CCSER1: variants seen among roughly 807,000 people sequenced by gnomAD.
CCSER1 encodes serine-rich coiled-coil domain-containing protein 1.
In CCSER1, 41 loss-of-function variants were observed where a neutral mutation model predicts 82.0. That is an observed-to-expected ratio of 0.50 (90% CI 0.39 to 0.65). CCSER1 has a LOEUF of 0.65. Ranked by LOEUF, CCSER1 falls within the 30% of genes least tolerant of loss-of-function variation. The pLI is 0.00. For missense variants in CCSER1, 1,119 were observed against 1,064.2 expected (o/e 1.05, Z -0.72); for synonymous variants, 414 against 383.9 (o/e 1.08, Z -0.92).
At chr4:91,358,043 G>A (rs1249287085) in intron 10 of CCSER1, among the ~76,000 whole-genome samples, 2 of 151,752 alleles carry the variant, frequency 1.3e-5, no homozygotes, top group African/African-American at 4.8e-5. Flanking sequence ...TTGTAAGTTT[G>A]GGATTTCAAT....
intron 9 of CCSER1, among the ~76,000 whole-genome samples, chr4:91,003,846 G>C (rs1174550123): frequency 6.6e-6 from 1 of 152,178 alleles, no homozygotes; most frequent in African/African-American, 2.4e-5. Context: ...GCCTCTGAGA[G>C]GCAGGGAAGA....
chr4:90,808,107 T>C (rs1319845045), intron 7 of CCSER1, among the ~76,000 whole-genome samples: 1 of 152,124 alleles, frequency 6.6e-6, no homozygotes, highest in Non-Finnish European at 1.5e-5. Flanking sequence ...AGCCAGCTGA[T>C]CTTTGACAAA....
At chr4:90,616,423 G>T (rs1375472723) in intron 5 of CCSER1, among the ~76,000 whole-genome samples, 2 of 152,052 alleles carry the variant, frequency 1.3e-5, no homozygotes, top group African/African-American at 4.8e-5. Context: ...GCTCACACCT[G>T]TAATCCTAGC....
At chr4:90,157,769 A>G (rs958994532) in intron 1 of CCSER1, among the ~76,000 whole-genome samples, 4 of 152,078 alleles carry the variant, frequency 2.6e-5, no homozygotes, top group African/African-American at 9.7e-5. Flanking sequence ...CTAGTTATAC[A>G]TTCATCTAAA....
chr4:90,200,203 G>T (rs1737422437), intron 1 of CCSER1, among the ~76,000 whole-genome samples: 1 of 151,908 alleles, frequency 6.6e-6, no homozygotes, highest in South Asian at 2.1e-4. Context: ...CCTTCCCAGA[G>T]TACATGTCTC....
At chr4:90,499,881 A>C (rs931045421) in intron 5 of CCSER1, among the ~76,000 whole-genome samples, 3 of 152,222 alleles carry the variant, frequency 2.0e-5, no homozygotes, top group Non-Finnish European at 2.9e-5. Flanking sequence ...TTCAGAAAGC[A>C]GCTAGGAATA....
chr4:90,959,309 G>A (rs371873965), intron 9 of CCSER1, among the ~76,000 whole-genome samples: 27 of 152,162 alleles, frequency 1.8e-4, no homozygotes, highest in African/African-American at 5.3e-4. Flanking sequence ...TCAATAATAC[G>A]GGTTAATCAT....
chr4:90,665,308 CAT>C (rs902968931), intron 6 of CCSER1, among the ~76,000 whole-genome samples: 2 of 150,140 alleles, frequency 1.3e-5, no homozygotes, highest in African/African-American at 4.9e-5. Flanking sequence ...AGGACTGAAA[CAT>C]ATGCTGAGAT....
chr4:90,263,630 G>A (rs1458964511), intron 1 of CCSER1, among the ~76,000 whole-genome samples: 1 of 152,114 alleles, frequency 6.6e-6, no homozygotes, highest in Non-Finnish European at 1.5e-5. Flanking sequence ...GTAATGGCCC[G>A]AGTTGATTGA....
chr4:90,858,700 G>A (rs1198047156), intron 8 of CCSER1, among the ~76,000 whole-genome samples: 1 of 151,798 alleles, frequency 6.6e-6, no homozygotes, highest in Non-Finnish European at 1.5e-5. Context: ...GGTCACAGAC[G>A]CAACAAAGCC....
intron 10 of CCSER1, among the ~76,000 whole-genome samples, chr4:91,515,953 T>C (rs1445206681): frequency 6.6e-6 from 1 of 151,860 alleles, no homozygotes; most frequent in Non-Finnish European, 1.5e-5. Flanking sequence ...ATTTCTCAAA[T>C]GATTAGTGAT....
At chr4:90,622,305 A>G (rs1722461386) in intron 5 of CCSER1, among the ~76,000 whole-genome samples, 1 of 152,166 alleles carries the variant, frequency 6.6e-6, no homozygotes, top group African/African-American at 2.4e-5. Context: ...GTTCTAGGGT[A>G]CATGTGCACA....
chr4:91,363,704 TA>T (rs1195776925), intron 10 of CCSER1, among the ~76,000 whole-genome samples: 2 of 151,840 alleles, frequency 1.3e-5, no homozygotes, highest in East Asian at 3.8e-4. Flanking sequence ...TTTCTTTGAT[TA>T]AAGAGTCAGT....
rs560820347 is a variant in CCSER1 at position 90,586,724 on chromosome 4, A to G, written c.1725-41301A>G. On this transcript the variant is annotated intron_variant, in intron 5 of 10. Coordinates refer to ENST00000509176, the MANE Select transcript of CCSER1 (RefSeq NM_001145065.2). ...TAAAAATCATTTTCATTGCTTTTAT[A>G]AAAGAATCAATTGCATTATTATAAG... Among the ~76,000 whole-genome samples, 3 of 152,350 alleles carry G rather than the reference A, an allele frequency of 2.0e-5. No individual in the cohort carries two copies. In the South Asian group the frequency reaches 6.2e-4, roughly 32 times the overall value.
At chr4:90,404,980 C>G (rs1354331908) in intron 4 of CCSER1, among the ~76,000 whole-genome samples, 1 of 152,048 alleles carries the variant, frequency 6.6e-6, no homozygotes, top group East Asian at 1.9e-4. Flanking sequence ...AAAGACCATA[C>G]CAGCTCACCA....
chr4:90,664,112 G>A (rs75262214), intron 6 of CCSER1, among the ~76,000 whole-genome samples: 9,572 of 152,120 alleles, frequency 0.063, 927 homozygotes, highest in African/African-American at 0.21. Context: ...GTATGAGACC[G>A]GCTTTTAAGA....
Position 90,308,484 on chromosome 4 carries a change from C to A in CCSER1, c.200C>A (p.Ser67Tyr), listed in dbSNP as rs574909323. Reference sequence around the variant, plus strand: ...CGGAGGAGCATATTCCGTACTCCTTCCATTAGCTTCCACCATAAGAAGGGG... The same window carrying A: ...CGGAGGAGCATATTCCGTACTCCTTACATTAGCTTCCACCATAAGAAGGGG... ...GKRRSIFRTP[S>Y]ISFHHKKGSE... Residue 67 changes from serine (S) to tyrosine (Y), a missense_variant, in exon 2 of 11, where the codon TCC becomes TAC. By Grantham distance (144) the Ser-to-Tyr change is moderately radical (BLOSUM62 -2). Transcript: ENST00000509176. 1 of 1,613,904 alleles carries A rather than the reference C, an allele frequency of 6.2e-7. No individual in the cohort carries two copies. Among genetic ancestry groups the A allele is most frequent in the African/African-American group, 1.3e-5 (1 of 75,052 alleles).
At chr4:91,143,432 G>C (rs942421275) in intron 10 of CCSER1, among the ~76,000 whole-genome samples, 1 of 152,038 alleles carries the variant, frequency 6.6e-6, no homozygotes, top group Non-Finnish European at 1.5e-5. Flanking sequence ...AGTGAAGAGA[G>C]ATAATTTGAC....
At position 90,309,564 on chromosome 4, in the gene CCSER1, T is replaced by G; in HGVS notation, c.1280T>G (p.Ile427Ser). The G allele has an allele frequency of 1.2e-6, 2 of 1,604,886 alleles. No individual in the cohort carries two copies. Among genetic ancestry groups the G allele is most frequent in the Non-Finnish European group, 1.7e-6 (2 of 1,177,026 alleles). Residue 427 changes from isoleucine to serine, a missense_variant, in exon 2 of 11, where the codon ATT becomes AGT. Transcript: ENST00000509176. ...ATACCTACTTCTGGTGATCATCATATTTTTAACAAAACATCACATGGATAT... is the reference window on the plus strand; with the variant it reads ...ATACCTACTTCTGGTGATCATCATAGTTTTAACAAAACATCACATGGATAT... Reference protein sequence around the residue: ...KIIPTSGDHHIFNKTSHGYEA... With the variant: ...KIIPTSGDHHSFNKTSHGYEA...
Sources: allele counts gnomAD v4.1 joint callset (sites outside exome capture counted in the v4.1 genomes callset), GRCh38; gene constraint gnomAD v4.1.1; transcripts MANE v1.5; gene names NCBI Gene and HGNC (gene_info 2026-07-23, HGNC 2026-07-21).